TLK1: variants seen among roughly 807,000 people sequenced by gnomAD.
The protein encoded by TLK1 is tousled like kinase 1.
A neutral mutation model predicts 105.3 loss-of-function variants in TLK1; 24 were observed. The ratio of observed to expected loss-of-function variants is 0.23; its 90% CI spans 0.17 to 0.32. The LOEUF (loss-of-function observed/expected upper bound fraction) is 0.32, where lower values mean the gene tolerates loss of function less well. Ranked by LOEUF, TLK1 falls within the 10% of genes least tolerant of loss-of-function variation. TLK1 has a pLI of 1.00. For synonymous variants in TLK1, 321 were observed against 310.4 expected (o/e 1.03, Z -0.36); for missense variants, 558 against 910.5 (o/e 0.61, Z 4.98).
At chr2:170,998,446 C>T (rs892549807) in intron 18 of TLK1, among the ~76,000 whole-genome samples, 3 of 152,166 alleles carry the variant, frequency 2.0e-5, no homozygotes, top group Non-Finnish European at 4.4e-5. Context: ...CATCTCCACT[C>T]GGCTCTCCTT....
chr2:171,158,011 G>C (rs1249197334), intron 1 of TLK1, among the ~76,000 whole-genome samples: 1 of 152,086 alleles, frequency 6.6e-6, no homozygotes, highest in Non-Finnish European at 1.5e-5. Flanking sequence ...TTTATATAAT[G>C]TACTAACATG....
chr2:171,108,083 C>CA (rs1484029506), intron 2 of TLK1, among the ~76,000 whole-genome samples: 796 of 66,342 alleles, frequency 0.012, 11 homozygotes, highest in African/African-American at 0.046. Context: ...ACAACAACAA[C>CA]AACAAAAAAA....
rs1199058973 is a variant in TLK1, at chr2:170,992,363, TG to T, written c.*1416del. 6.6e-6 allele frequency: 1 copy of T among 152,438 alleles called. No homozygotes were observed. The highest frequency in any genetic ancestry group is 2.4e-5 in the African/African-American group (1 of 41,456). The allele number at this position is 152,438 out of a possible 1,614,324, so 9.4% of individuals were successfully genotyped here. On this transcript the variant is annotated 3_prime_UTR_variant, in exon 21 of 21. Transcript: ENST00000431350. Reference sequence around the variant, plus strand: ...TTTTCTGCAACATGAACAACTTACATGTAAGTATCAGCATTATGAATGTGAC... The same window carrying T: ...TTTTCTGCAACATGAACAACTTACATTAAGTATCAGCATTATGAATGTGAC...
chr2:171,151,470 C>CT (rs55670860), intron 1 of TLK1, among the ~76,000 whole-genome samples: 1,363 of 124,226 alleles, frequency 0.011, 30 homozygotes, highest in South Asian at 0.041. Flanking sequence ...ATATGTGTAT[C>CT]TTTTTTTTTT....
At chr2:171,048,273 G>A (rs550896201) in intron 10 of TLK1, among the ~76,000 whole-genome samples, 1 of 152,214 alleles carries the variant, frequency 6.6e-6, no homozygotes, top group African/African-American at 2.4e-5. Flanking sequence ...GTTAAGAGGA[G>A]AAATTGGAAC....
chr2:171,069,605 A>G (rs1487569397), intron 3 of TLK1, among the ~76,000 whole-genome samples: 2 of 152,212 alleles, frequency 1.3e-5, no homozygotes, highest in Non-Finnish European at 2.9e-5. Flanking sequence ...TCCAGTGCAA[A>G]ACGTCAATAA....
intron 4 of TLK1, among the ~76,000 whole-genome samples, chr2:171,060,695 T>C (rs1687710302): frequency 6.6e-6 from 1 of 152,206 alleles, no homozygotes; most frequent in Non-Finnish European, 1.5e-5. Flanking sequence ...CAGATAATAC[T>C]TTAACTAGAG....
chr2:171,089,278 C>T (rs968494320), intron 2 of TLK1, among the ~76,000 whole-genome samples: 1 of 152,256 alleles, frequency 6.6e-6, no homozygotes, highest in East Asian at 1.9e-4. Flanking sequence ...GTCATTTCAA[C>T]GTAGTTACAT....
chr2:171,185,180 GTC>G (rs985462144), intron 1 of TLK1, among the ~76,000 whole-genome samples: 3 of 151,990 alleles, frequency 2.0e-5, no homozygotes, highest in African/African-American at 7.2e-5. Flanking sequence ...GTTTTTAAAT[GTC>G]TTGAATCATC....
intron 1 of TLK1, among the ~76,000 whole-genome samples, chr2:171,215,344 T>A (rs556691890): frequency 3.3e-5 from 5 of 152,356 alleles, no homozygotes; most frequent in Non-Finnish European, 7.3e-5. Context: ...TTATTGTGTT[T>A]AGTTTCCAAC....
At chr2:171,168,667 T>C (rs573769327) in intron 1 of TLK1, among the ~76,000 whole-genome samples, 2 of 152,190 alleles carry the variant, frequency 1.3e-5, no homozygotes, top group East Asian at 3.8e-4. Context: ...TAGCTATAGA[T>C]ACAAGATAAT....
At chr2:171,100,143 A>C (rs934998207) in intron 2 of TLK1, among the ~76,000 whole-genome samples, 6 of 152,246 alleles carry the variant, frequency 3.9e-5, no homozygotes, top group African/African-American at 1.4e-4. Context: ...GAAAATAAGC[A>C]CATGAAAAGA....
intron 13 of TLK1, among the ~76,000 whole-genome samples, chr2:171,012,477 ATTTAT>A (rs1684965329): frequency 6.6e-6 from 1 of 151,992 alleles, no homozygotes; most frequent in East Asian, 1.9e-4. Flanking sequence ...CTGTATTTTT[ATTTAT>A]TTATTTATTT....
intron 3 of TLK1, among the ~76,000 whole-genome samples, chr2:171,071,319 G>A (rs539456474): frequency 4.0e-5 from 6 of 151,036 alleles, no homozygotes; most frequent in East Asian, 3.9e-4. Context: ...ATGGAGTCTC[G>A]CTCTGTCGCC....
chr2:171,091,420 TTA>T (rs2105490124), intron 2 of TLK1, among the ~76,000 whole-genome samples: 1 of 152,324 alleles, frequency 6.6e-6, no homozygotes, highest in Non-Finnish European at 1.5e-5. Flanking sequence ...AAGTCAAGTC[TTA>T]TGATTCAGAA....
chr2:171,038,093 T>C (rs1004087719), intron 11 of TLK1, among the ~76,000 whole-genome samples: 2 of 152,222 alleles, frequency 1.3e-5, no homozygotes, highest in Non-Finnish European at 2.9e-5. Context: ...CACTGTATTT[T>C]TCTTTAAATT....
rs1313266193 is a variant in TLK1 at position 170,992,498 on chromosome 2, C to T, written c.*1282G>A. On this transcript the variant is annotated 3_prime_UTR_variant, in exon 21 of 21. Coordinates refer to ENST00000431350, the MANE Select transcript of TLK1 (RefSeq NM_012290.5). ...TCACATTTTAACAAATCTGTACAAA[C>T]CACAAGAAATTTGCTTATGGGACCA... is the stretch of plus-strand genomic sequence containing the variant. 6.6e-6 allele frequency: 1 copy of T among 152,520 alleles called. No homozygotes were observed. The highest frequency in any genetic ancestry group is 2.4e-5 in the African/African-American group (1 of 41,422). The allele number at this position is 152,520 out of a possible 1,614,324, so 9.4% of individuals were successfully genotyped here. A position where few individuals can be genotyped will look rare whatever the true frequency, so the allele number is the denominator to read the frequency against.
chr2:171,099,510 T>C (rs1463876620), intron 2 of TLK1, among the ~76,000 whole-genome samples: 1 of 152,108 alleles, frequency 6.6e-6, no homozygotes, highest in Non-Finnish European at 1.5e-5. Context: ...AAATTGATCA[T>C]AAAAGTCATA....
intron 1 of TLK1, among the ~76,000 whole-genome samples, chr2:171,126,362 A>T (rs1690867959): frequency 6.6e-6 from 1 of 152,170 alleles, no homozygotes; most frequent in Non-Finnish European, 1.5e-5. Context: ...CTTTAAACAC[A>T]CACTCTCATA....
Sources: gnomAD v4.1 joint callset for allele counts (sites outside exome capture counted in the v4.1 genomes callset) on GRCh38, gnomAD v4.1.1 for gene constraint, MANE v1.5 for transcripts, NCBI Gene and HGNC (gene_info 2026-07-23, HGNC 2026-07-21) for gene names.